ANO6: variants seen among roughly 807,000 people sequenced by gnomAD.
The protein encoded by ANO6 is anoctamin-6.
In ANO6, 106 loss-of-function variants were observed where a neutral mutation model predicts 117.5. The ratio of observed to expected loss-of-function variants is 0.90; its 90% confidence interval spans 0.77 to 1.06. The LOEUF is 1.06. Ranked by LOEUF, ANO6 falls within the 50% of genes least tolerant of loss-of-function variation. The pLI is 0.00. For missense variants in ANO6, 955 were observed against 1,121.1 expected (o/e 0.85, Z 2.12); for synonymous variants, 367 against 385.1 (o/e 0.95, Z 0.55).
At chr12:45,341,172 G>T (rs976367325) in intron 3 of ANO6, among the ~76,000 whole-genome samples, 1 of 152,040 alleles carries the variant, frequency 6.6e-6, no homozygotes, top group African/African-American at 2.4e-5. Flanking sequence ...AGAGAAATCA[G>T]GTAAATATCT....
rs1036596596 is a variant in ANO6 at position 45,429,672 on chromosome 12, T to C, written c.*361T>C. 2 of 1,127,526 alleles carry C rather than the reference T, an allele frequency of 1.8e-6. No individual in the cohort carries two copies. Among genetic ancestry groups the C allele is most frequent in the Non-Finnish European group, 2.2e-6 (2 of 915,954 alleles). The allele number at this position is 1,127,526 out of a possible 1,614,324, so 69.8% of individuals were successfully genotyped here. Reference sequence around the variant, plus strand: ...TTTCTGTCTATTCTCAGGCGCATGATCTCCTTTATTTTTAAGCCATGTTTC... The same window carrying C: ...TTTCTGTCTATTCTCAGGCGCATGACCTCCTTTATTTTTAAGCCATGTTTC... On this transcript the variant is annotated 3_prime_UTR_variant, in exon 20 of 20. Transcript: ENST00000320560.
intron 1 of ANO6, among the ~76,000 whole-genome samples, chr12:45,284,359 C>G (rs1290045110): frequency 6.6e-5 from 10 of 152,260 alleles, no homozygotes; most frequent in African/African-American, 2.2e-4. Context: ...TTATCTCCAC[C>G]TTTCTGTATA....
At chr12:45,427,888 A>G (rs540281360) in intron 19 of ANO6, among the ~76,000 whole-genome samples, 2 of 150,232 alleles carry the variant, frequency 1.3e-5, no homozygotes, top group African/African-American at 2.5e-5. Flanking sequence ...GCAGTGGGCC[A>G]AGATCGCACC....
intron 1 of ANO6, chr12:45,270,654 G>A (rs1482971053): frequency 6.7e-6 from 3 of 450,240 alleles, no homozygotes; most frequent in African/African-American, 4.0e-5. Context: ...GATAATATTT[G>A]TTGAATTGAA....
intron 12 of ANO6, among the ~76,000 whole-genome samples, chr12:45,397,836 G>A (rs574461822): frequency 1.4e-4 from 22 of 152,266 alleles, no homozygotes; most frequent in South Asian, 1.0e-3. Flanking sequence ...CCTGTTGGGC[G>A]GTGGGGGGCT....
chr12:45,346,184 A>G (rs985047052), intron 3 of ANO6, among the ~76,000 whole-genome samples: 1 of 152,108 alleles, frequency 6.6e-6, no homozygotes, highest in Non-Finnish European at 1.5e-5. Flanking sequence ...ACATATTTAA[A>G]CCATAGCAGA....
At chr12:45,223,600 G>A (rs1362030052) in intron 1 of ANO6, among the ~76,000 whole-genome samples, 1 of 152,128 alleles carries the variant, frequency 6.6e-6, no homozygotes, top group Middle Eastern at 3.4e-3. Context: ...TATGCAGTTA[G>A]CATTCATCCT....
intron 2 of ANO6, among the ~76,000 whole-genome samples, chr12:45,311,987 C>G (rs1939864449): frequency 6.6e-6 from 1 of 152,062 alleles, no homozygotes; most frequent in East Asian, 1.9e-4. Context: ...AAAACCCTTT[C>G]TCCATATAAC....
At chr12:45,363,026 A>G (rs1941594291) in intron 8 of ANO6, among the ~76,000 whole-genome samples, 1 of 151,920 alleles carries the variant, frequency 6.6e-6, no homozygotes. Context: ...AGTTACTGTC[A>G]TGTGTCTATT....
intron 2 of ANO6, among the ~76,000 whole-genome samples, chr12:45,320,032 C>T (rs1372620588): frequency 4.6e-5 from 7 of 152,044 alleles, no homozygotes; most frequent in Non-Finnish European, 7.4e-5. Context: ...GTCTTGCTAG[C>T]GGTCTATCAG....
intron 1 of ANO6, among the ~76,000 whole-genome samples, chr12:45,240,351 ATTTTTTTTTTTTTTTTTTTTT>A (rs57126852): frequency 1.3e-4 from 4 of 30,738 alleles, no homozygotes; most frequent in Admixed American, 4.4e-4. Context: ...GCAACCCCTG[ATTTTTTTTTTTTTTTTTTTTT>A]TTTTTTTTTT....
In ANO6 at chr12:45,401,899, A is replaced by G. The variant is rs750453737; in HGVS notation, c.1491A>G (p.Pro497=). The change falls in exon 13 of 20, where the codon CCA becomes CCG. Residue 497 remains proline (P), a synonymous_variant. Coordinates refer to ENST00000320560, the MANE Select transcript of ANO6 (RefSeq NM_001025356.3). ...CCAAGAACATTAATGGAACAGACCC[A>G]ATCCAGAAATACCTGACTCCACAGA... ...KLPKNINGTD[P]IQKYLTPQTA... is the part of the protein sequence containing the mutation. 2 of 1,614,028 alleles carry G rather than the reference A, an allele frequency of 1.2e-6. No homozygotes were observed.
intron 2 of ANO6, among the ~76,000 whole-genome samples, chr12:45,305,394 ACT>A (rs1939635921): frequency 6.6e-6 from 1 of 152,218 alleles, no homozygotes; most frequent in South Asian, 2.1e-4. Context: ...GTTTTCCCAC[ACT>A]GTTTTGTTTT....
At chr12:45,373,995 A>C (rs1348072207) in intron 9 of ANO6, among the ~76,000 whole-genome samples, 1 of 152,192 alleles carries the variant, frequency 6.6e-6, no homozygotes, top group Non-Finnish European at 1.5e-5. Context: ...AATCAAAGAG[A>C]CGCAATAAAA....
chr12:45,225,071 C>T (rs890571870), intron 1 of ANO6, among the ~76,000 whole-genome samples: 2 of 151,776 alleles, frequency 1.3e-5, no homozygotes, highest in East Asian at 3.9e-4. Flanking sequence ...GCCTGTGGTG[C>T]CAGCTGCTTT....
At chr12:45,274,486 C>T (rs1343833508) in intron 1 of ANO6, among the ~76,000 whole-genome samples, 2 of 152,114 alleles carry the variant, frequency 1.3e-5, no homozygotes, top group Non-Finnish European at 2.9e-5. Context: ...CCAACATCCC[C>T]TGCGCCCACA....
chr12:45,255,021 A>G (rs976624517), intron 1 of ANO6, among the ~76,000 whole-genome samples: 3 of 152,218 alleles, frequency 2.0e-5, no homozygotes, highest in African/African-American at 7.2e-5. Flanking sequence ...TATCTCTTAC[A>G]TTATAAATGC....
At chr12:45,336,384 G>A (rs1168218521) in intron 3 of ANO6, among the ~76,000 whole-genome samples, 1 of 150,528 alleles carries the variant, frequency 6.6e-6, no homozygotes, top group African/African-American at 2.5e-5. Flanking sequence ...ACTTTTTATA[G>A]TTATTAGCAC....
intron 7 of ANO6, among the ~76,000 whole-genome samples, chr12:45,354,030 G>A (rs1318726722): frequency 6.6e-6 from 1 of 152,136 alleles, no homozygotes; most frequent in Admixed American, 6.5e-5. Context: ...TAATAGGATT[G>A]TGAGAAACCA....
Sources: allele counts gnomAD v4.1 joint callset (sites outside exome capture counted in the v4.1 genomes callset), GRCh38; gene constraint gnomAD v4.1.1; transcripts MANE v1.5; gene names NCBI Gene and HGNC (gene_info 2026-07-23, HGNC 2026-07-21).